SLC46A2: variants seen among roughly 807,000 people sequenced by gnomAD.
SLC46A2 encodes the protein thymic stromal co-transporter.
Under a neutral mutation model 33.1 loss-of-function variants are expected in SLC46A2, and 25 were observed. That is an observed-to-expected ratio of 0.76 (90% confidence interval 0.55 to 1.06). SLC46A2 has a LOEUF of 1.06. Ranked by LOEUF, SLC46A2 falls within the 50% of genes least tolerant of loss-of-function variation. SLC46A2 has a pLI of 0.00. For missense variants in SLC46A2, 622 were observed against 621.7 expected, an observed-to-expected ratio of 1.00 and a Z score of 0.00; for synonymous variants, 254 against 275.9, an observed-to-expected ratio of 0.92 and a Z score of 0.79.
rs1225747124 is a variant in SLC46A2 at position 112,890,298 on chromosome 9, C to T, written c.384G>A (p.Leu128=). Residue 128 remains leucine (L), a synonymous_variant, in exon 1 of 4, where the codon CTG becomes CTA. Coordinates refer to ENST00000374228, the MANE Select transcript of SLC46A2 (RefSeq NM_033051.4). The surrounding 1 kb of genome is among the most constrained non-coding windows in gnomAD (Gnocchi z 6.0). ...LSRLGLLLKV[L]LDWPVEVLYG... is the part of the protein sequence containing the mutation. ...ACAGCACCTCCACTGGCCAGTCCAG[C>T]AGCACCTTGAGCAGCAGCCCGAGGC... is the stretch of plus-strand genomic sequence containing the variant. 1 of 1,613,698 alleles carries T rather than the reference C, an allele frequency of 6.2e-7. No individual in the cohort carries two copies. The highest frequency in any genetic ancestry group is 1.7e-5 in the Admixed American group (1 of 60,028).
rs764490699 is a variant in SLC46A2, at chr9:112,890,045, C to T, written c.637G>A (p.Val213Met). 23 of 1,613,832 alleles carry T rather than the reference C, an allele frequency of 1.4e-5. No individual in the cohort carries two copies. Among genetic ancestry groups the T allele is most frequent in the East Asian group, 2.2e-5 (1 of 44,882 alleles). Residue 213 changes from valine to methionine, a missense_variant, in exon 1 of 4, where the codon GTG becomes ATG. Coordinates refer to ENST00000374228, the MANE Select transcript of SLC46A2 (RefSeq NM_033051.4). This position sits in a 1 kb window ranked among gnomAD's most constrained non-coding sequence, Gnocchi z 6.0. Reference sequence around the variant, plus strand: ...AGCAGGGCAAACGAGGCACAGCTCACGCTGCAGGCCGTCAGTATCAGGCCC... The same window carrying T: ...AGCAGGGCAAACGAGGCACAGCTCATGCTGCAGGCCGTCAGTATCAGGCCC... Reference protein sequence around the residue: ...GQGLILTACSVSCASFALLYS... With the variant: ...GQGLILTACSMSCASFALLYS...
chr9:112,887,459 G>A (rs1248340628), intron 1 of SLC46A2, 46 bp from the exon 2 acceptor site: 2 of 1,524,006 alleles, frequency 1.3e-6, no homozygotes, highest in Non-Finnish European at 1.8e-6. Context: ...GCCCAGCCTG[G>A]GCCAAGGAGG....
In SLC46A2 at chr9:112,890,603, C is replaced by A; in HGVS notation, c.79G>T (p.Ala27Ser). The A allele has an allele frequency of 6.2e-7, 1 of 1,607,800 alleles. No homozygotes were observed. Among genetic ancestry groups the A allele is most frequent in the East Asian group, 2.2e-5 (1 of 44,858 alleles). Reference sequence around the variant, plus strand: ...AGGGAGGCAGCCACCTGGGACGAGGCCACCACGGGCTCAACCCAGGTCCTC... The same window carrying A: ...AGGGAGGCAGCCACCTGGGACGAGGACACCACGGGCTCAACCCAGGTCCTC... Reference protein sequence around the residue: ...HPRTWVEPVVASSQVAASLYD... With the variant: ...HPRTWVEPVVSSSQVAASLYD... Residue 27 changes from alanine to serine, a missense_variant, in exon 1 of 4, where the codon GCC becomes TCC. Ala to Ser is a moderately conservative substitution (Grantham distance 99). Coordinates refer to ENST00000374228, the MANE Select transcript of SLC46A2 (RefSeq NM_033051.4). The surrounding 1 kb of genome is among the most constrained non-coding windows in gnomAD (Gnocchi z 6.0).
chr9:112,884,962 A>G (rs1348390473), intron 3 of SLC46A2, among the ~76,000 whole-genome samples: 3 of 152,196 alleles, frequency 2.0e-5, no homozygotes, highest in Non-Finnish European at 2.9e-5. Context: ...TGTGCACTGC[A>G]TGGTAGCTAA....
intron 3 of SLC46A2, among the ~76,000 whole-genome samples, chr9:112,883,993 C>G (rs1841614936): frequency 6.6e-6 from 1 of 152,180 alleles, no homozygotes; most frequent in Non-Finnish European, 1.5e-5. Context: ...TCGTGCCCAG[C>G]CTGGCTTCTG....
chr9:112,882,797 G>C (rs1171421850), intron 3 of SLC46A2, among the ~76,000 whole-genome samples: 1 of 152,072 alleles, frequency 6.6e-6, no homozygotes, highest in Non-Finnish European at 1.5e-5. Flanking sequence ...AGGGTATCAA[G>C]AACCCTATTT....
rs1240582555 is a variant in SLC46A2, at chr9:112,886,587, A to C, written c.1243T>G (p.Leu415Val). 5.6e-6 allele frequency: 9 copies of C among 1,613,962 alleles called. No homozygotes were observed. Among genetic ancestry groups the C allele is most frequent in the Non-Finnish European group, 7.6e-6 (9 of 1,179,990 alleles). ...GATGTCACCACGCCGGTCAGAGCCA[A>C]GGACAGCTGCAGTATGACGAACACC... ...GKVFVILQLSLALTGVVTSTL... is the reference protein window; with the variant it reads ...GKVFVILQLSVALTGVVTSTL... The change falls in exon 3 of 4, where the codon TTG becomes GTG. Residue 415 changes from leucine (L) to valine (V), a missense_variant. Leu to Val is a conservative substitution (Grantham distance 32). Transcript: ENST00000374228.
rs932689385 is a variant in SLC46A2, at chr9:112,890,831, A to G, written c.-150T>C. ...GCGCGAGTGTGCTCCGTGCGCCGGGAGCGCGCCGGCCAGTGGCGAGCAGAG... is the reference window on the plus strand; with the variant it reads ...GCGCGAGTGTGCTCCGTGCGCCGGGGGCGCGCCGGCCAGTGGCGAGCAGAG... On this transcript the variant is annotated 5_prime_UTR_variant, in exon 1 of 4. Coordinates refer to ENST00000374228, the MANE Select transcript of SLC46A2 (RefSeq NM_033051.4). This position sits in a 1 kb window ranked among gnomAD's most constrained non-coding sequence, Gnocchi z 6.0. 4.5e-6 allele frequency: 4 copies of G among 882,152 alleles called. No individual in the cohort carries two copies. The highest frequency in any genetic ancestry group is 6.5e-6 in the Non-Finnish European group (4 of 619,836). 54.6% of individuals were successfully genotyped at this position (882,152 alleles called of 1,614,324 possible).
At chr9:112,887,028 T>C (rs1171344331) in intron 2 of SLC46A2, among the ~76,000 whole-genome samples, 1 of 152,122 alleles carries the variant, frequency 6.6e-6, no homozygotes, top group African/African-American at 2.4e-5. Context: ...CTGCACCTGG[T>C]GCCTTCTCAG....
Position 112,890,593 on chromosome 9 carries a change from T to C in SLC46A2, c.89A>G (p.Gln30Arg). 1.2e-6 allele frequency: 2 copies of C among 1,610,342 alleles called. No homozygotes were observed. Among genetic ancestry groups the C allele is most frequent in the Non-Finnish European group, 1.7e-6 (2 of 1,179,916 alleles). ...TWVEPVVASSQVAASLYDAGL... is the reference protein window; with the variant it reads ...TWVEPVVASSRVAASLYDAGL... ...CGCATCGTAGAGGGAGGCAGCCACCTGGGACGAGGCCACCACGGGCTCAAC... is the reference window on the plus strand; with the variant it reads ...CGCATCGTAGAGGGAGGCAGCCACCCGGGACGAGGCCACCACGGGCTCAAC... Residue 30 changes from glutamine to arginine, a missense_variant, in exon 1 of 4, where the codon CAG becomes CGG. By Grantham distance (43) the Gln-to-Arg change is conservative. Transcript: ENST00000374228. The surrounding 1 kb of genome is among the most constrained non-coding windows in gnomAD (Gnocchi z 6.0).
At position 112,890,804 on chromosome 9, in the gene SLC46A2, G is replaced by A; in HGVS notation, c.-123C>T. 1.8e-6 allele frequency: 2 copies of A among 1,117,578 alleles called. No homozygotes were observed. Among genetic ancestry groups the A allele is most frequent in the Non-Finnish European group, 2.5e-6 (2 of 805,662 alleles). The allele number at this position is 1,117,578 out of a possible 1,614,324, so 69.2% of individuals were successfully genotyped here. A position where few individuals can be genotyped will look rare whatever the true frequency, so the allele number is the denominator to read the frequency against. On this transcript the variant is annotated 5_prime_UTR_variant, in exon 1 of 4. Coordinates refer to ENST00000374228, the MANE Select transcript of SLC46A2 (RefSeq NM_033051.4). This position sits in a 1 kb window ranked among gnomAD's most constrained non-coding sequence, Gnocchi z 6.0. ...AGCGCGAGTGTGCTCCGTGCGCCGG[G>A]AGCGCGAGTGTGCTCCGTGCGCCGG...
intron 3 of SLC46A2, among the ~76,000 whole-genome samples, chr9:112,884,273 C>T (rs565341641): frequency 1.3e-5 from 2 of 152,304 alleles, no homozygotes; most frequent in African/African-American, 4.8e-5. Flanking sequence ...TCCAGTCCAG[C>T]CTCTGCCCTC....
intron 3 of SLC46A2, among the ~76,000 whole-genome samples, chr9:112,884,995 C>G (rs1360190813): frequency 1.3e-5 from 2 of 152,180 alleles, no homozygotes; most frequent in African/African-American, 4.8e-5. Context: ...TCAGCCAGGA[C>G]TCATACGAAA....
chr9:112,889,701 C>G lies in SLC46A2; in HGVS notation c.981G>C (p.Gly327=). Residue 327 remains glycine (G), a synonymous_variant, in exon 1 of 4, where the codon GGG becomes GGC. Transcript: ENST00000374228. ...GGAAGCTGGTGATGAAGATGGTGTA[C>G]CCTGCAGCCATACCATAGCCCACCT... ...QVQVGYGMAA[G]YTIFITSFLG... 3 of 1,614,062 alleles carry G rather than the reference C, an allele frequency of 1.9e-6. No homozygotes were observed. Among genetic ancestry groups the G allele is most frequent in the Non-Finnish European group, 2.5e-6 (3 of 1,179,982 alleles).
At chr9:112,887,241 A>T in intron 2 of SLC46A2, 89 bp downstream of exon 2, 2 of 1,195,788 alleles carry the variant, frequency 1.7e-6, no homozygotes, top group Non-Finnish European at 2.4e-6. Context: ...GAACTGTCTC[A>T]AGTGCCTTCT....
chr9:112,883,705 T>C (rs898960536), intron 3 of SLC46A2, among the ~76,000 whole-genome samples: 9 of 149,864 alleles, frequency 6.0e-5, no homozygotes, highest in Non-Finnish European at 1.3e-4. Flanking sequence ...CTTTTCTTTT[T>C]TTTTTTTTTT....
intron 3 of SLC46A2, among the ~76,000 whole-genome samples, chr9:112,884,338 A>G (rs531714428): frequency 1.2e-3 from 176 of 152,352 alleles, no homozygotes; most frequent in Middle Eastern, 3.4e-3. Flanking sequence ...ATTGGAATGT[A>G]GCTTTTCTTC....
intron 3 of SLC46A2, among the ~76,000 whole-genome samples, chr9:112,882,192 A>G (rs1841588274): frequency 6.6e-6 from 1 of 152,122 alleles, no homozygotes; most frequent in Admixed American, 6.5e-5. Flanking sequence ...TTGCAGCCTC[A>G]ACCTCCTGGG....
At chr9:112,886,094 G>A (rs1841639199) in intron 3 of SLC46A2, among the ~76,000 whole-genome samples, 1 of 152,210 alleles carries the variant, frequency 6.6e-6, no homozygotes, top group African/African-American at 2.4e-5. Context: ...AATGAGGCCT[G>A]ATGACTTTCA....
Sources: gnomAD v4.1 joint callset for allele counts (sites outside exome capture counted in the v4.1 genomes callset) on GRCh38, gnomAD v4.1.1 for gene constraint, Gnocchi (gnomAD v3.1) non-coding constraint, MANE v1.5 for transcripts, NCBI Gene and HGNC (gene_info 2026-07-23, HGNC 2026-07-21) for gene names.